Variants in B3GLCT observed in about 807,000 individuals in gnomAD.
B3GLCT encodes beta-1,3-glucosyltransferase.
In B3GLCT, 65 loss-of-function variants were observed where a neutral mutation model predicts 63.4. The ratio of observed to expected loss-of-function variants is 1.03; its 90% CI spans 0.84 to 1.26. B3GLCT has a LOEUF of 1.26. Among genes scored for constraint, B3GLCT ranks in the 50% most tolerant of loss-of-function variants. The probability of loss-of-function intolerance (pLI) is 0.00; values close to 1 mark genes in which losing one functional copy is unlikely to be tolerated. For missense variants in B3GLCT, 577 were observed against 604.8 expected (o/e 0.95, Z 0.48); for synonymous variants, 233 against 219.2 (o/e 1.06, Z -0.55).
intron 6 of B3GLCT, among the ~76,000 whole-genome samples, chr13:31,256,468 C>G (rs1871746621): frequency 6.6e-6 from 1 of 152,164 alleles, no homozygotes; most frequent in Non-Finnish European, 1.5e-5. Context: ...AAGATACATG[C>G]ACACATATGT....
intron 1 of B3GLCT, among the ~76,000 whole-genome samples, chr13:31,213,776 G>A (rs1261419419): frequency 6.6e-6 from 1 of 151,990 alleles, no homozygotes; most frequent in Admixed American, 6.6e-5. Flanking sequence ...GGATAAGGAG[G>A]GTGTGGAATT....
chr13:31,262,897 G>C (rs568699239), intron 7 of B3GLCT, among the ~76,000 whole-genome samples: 7 of 152,166 alleles, frequency 4.6e-5, no homozygotes, highest in African/African-American at 1.7e-4. Context: ...CCACGTGGCT[G>C]TGATTTTTCT....
chr13:31,284,862 A>G, intron 11 of B3GLCT, 101 bp downstream of exon 11: 1 of 797,180 alleles, frequency 1.3e-6, no homozygotes, highest in South Asian at 1.5e-5. Context: ...AAGTGCTATA[A>G]TTTTTGCCTC....
chr13:31,227,867 A>G (rs1870178485), intron 3 of B3GLCT, among the ~76,000 whole-genome samples: 1 of 152,222 alleles, frequency 6.6e-6, no homozygotes, highest in Non-Finnish European at 1.5e-5. Context: ...TTTGCTGACA[A>G]TCTGGCTGAA....
At chr13:31,273,087 T>C (rs999670925) in intron 8 of B3GLCT, among the ~76,000 whole-genome samples, 3 of 152,190 alleles carry the variant, frequency 2.0e-5, no homozygotes, top group Non-Finnish European at 4.4e-5. Flanking sequence ...ATTTTTCTTT[T>C]TTCTTTCTTT....
At chr13:31,202,000 T>C (rs1222553047) in intron 1 of B3GLCT, among the ~76,000 whole-genome samples, 1 of 152,178 alleles carries the variant, frequency 6.6e-6, no homozygotes, top group Non-Finnish European at 1.5e-5. Flanking sequence ...GAATCATGAA[T>C]ACCTTTTATG....
At chr13:31,249,196 A>C (rs752609801) in intron 6 of B3GLCT, among the ~76,000 whole-genome samples, 12 of 152,152 alleles carry the variant, frequency 7.9e-5, no homozygotes, top group Non-Finnish European at 1.3e-4. Context: ...AATTTCTCCA[A>C]CCCTGGAAAG....
At position 31,222,002 on chromosome 13, in the gene B3GLCT, A is replaced by G. The variant is rs1869833680; in HGVS notation, c.121-950A>G. 3.3e-5 allele frequency among the ~76,000 whole-genome samples: 5 copies of G among 150,622 alleles called. No individual in the cohort carries two copies. In the South Asian group the frequency reaches 1.0e-3, roughly 32 times the overall value. On this transcript the variant is annotated intron_variant, in intron 2 of 14. Coordinates refer to ENST00000343307, the MANE Select transcript of B3GLCT (RefSeq NM_194318.4). The stretch of plus-strand genomic sequence containing the variant: ...GATTTACACAGAGTCGAGGTCAGGT[A>G]TTTCTGTGCCCACATCCAGATTTCT...
At chr13:31,269,642 CG>C (rs75073773) in intron 8 of B3GLCT, among the ~76,000 whole-genome samples, 37,170 of 148,910 alleles carry the variant, frequency 0.25, 4,906 homozygotes, top group African/African-American at 0.34. Flanking sequence ...ATCATGTCCC[CG>C]CCCCCCTAAT....
At position 31,247,227 on chromosome 13, in the gene B3GLCT, T is replaced by C. The variant is rs961462822; in HGVS notation, c.347+128T>C. 7.1e-5 allele frequency: 54 copies of C among 756,910 alleles called. No homozygotes were observed. The Admixed American group carries it at 1.1e-3, about 15-fold the overall frequency. 46.9% of individuals were successfully genotyped at this position (756,910 alleles called of 1,614,324 possible). On this transcript the variant is annotated intron_variant, in intron 5 of 14. Coordinates refer to ENST00000343307, the MANE Select transcript of B3GLCT (RefSeq NM_194318.4). ...AGTGAAGTAAATTTGAGTTTTACTTTTTATGATTACTACCTTAACCAAATT... is the reference window on the plus strand; with the variant it reads ...AGTGAAGTAAATTTGAGTTTTACTTCTTATGATTACTACCTTAACCAAATT...
chr13:31,271,715 TCTTTA>T (rs1369333056), intron 8 of B3GLCT, among the ~76,000 whole-genome samples: 2 of 152,238 alleles, frequency 1.3e-5, no homozygotes, highest in African/African-American at 2.4e-5. Context: ...GATATTTTCT[TCTTTA>T]CTTCATTGCT....
intron 13 of B3GLCT, 138 bp from the exon 14 acceptor site, chr13:31,323,613 C>A: frequency 1.0e-6 from 1 of 964,664 alleles, no homozygotes; most frequent in South Asian, 1.3e-5. Context: ...AGGGTTTTAC[C>A]TAGAGCTCAG....
intron 11 of B3GLCT, 100 bp from the exon 12 acceptor site, chr13:31,286,620 T>C: frequency 3.7e-6 from 3 of 805,498 alleles, no homozygotes; most frequent in Non-Finnish European, 5.9e-6. Flanking sequence ...CATTTTGGCA[T>C]GTAAGCTCTT....
chr13:31,284,890 T>G, intron 11 of B3GLCT, 129 bp downstream of exon 11: 1 of 689,304 alleles, frequency 1.5e-6, no homozygotes, highest in South Asian at 1.6e-5. Flanking sequence ...TTTTTTCCCT[T>G]CTCTCAGATA....
intron 10 of B3GLCT, among the ~76,000 whole-genome samples, chr13:31,282,698 G>A (rs1191011228): frequency 5.3e-5 from 8 of 151,902 alleles, no homozygotes; most frequent in Non-Finnish European, 1.0e-4. Flanking sequence ...ATTGACAAGG[G>A]GAGAGATGTA....
At chr13:31,299,246 CCTGTTCTATTCAT>C (rs1423387119) in intron 12 of B3GLCT, among the ~76,000 whole-genome samples, 1 of 152,146 alleles carries the variant, frequency 6.6e-6, no homozygotes, top group Non-Finnish European at 1.5e-5. Flanking sequence ...GTTTTAATTA[CCTGTTCTATTCAT>C]CTATCAAACT....
chr13:31,241,534 G>A (rs1870943465), intron 4 of B3GLCT, among the ~76,000 whole-genome samples: 1 of 152,238 alleles, frequency 6.6e-6, no homozygotes, highest in South Asian at 2.1e-4. Context: ...TTGCGGAAAT[G>A]GCACCTGCCC....
chr13:31,296,425 G>A (rs1225139715), intron 12 of B3GLCT, among the ~76,000 whole-genome samples: 1 of 152,174 alleles, frequency 6.6e-6, no homozygotes, highest in African/African-American at 2.4e-5. Flanking sequence ...ATGGTGGAAA[G>A]AGAGCAAGCT....
chr13:31,328,910 A>G, intron 14 of B3GLCT, among the ~76,000 whole-genome samples: 1 of 152,142 alleles, frequency 6.6e-6, no homozygotes, highest in African/African-American at 2.4e-5. Flanking sequence ...GTCCTTTCAC[A>G]AACTATTTCG....
Sources: gnomAD v4.1 joint callset for allele counts (sites outside exome capture counted in the v4.1 genomes callset) on GRCh38, gnomAD v4.1.1 for gene constraint, MANE v1.5 for transcripts, NCBI Gene and HGNC (gene_info 2026-07-23, HGNC 2026-07-21) for gene names.